Variants in ITSN1 observed in about 807,000 individuals in gnomAD.
The protein encoded by ITSN1 is intersectin-1.
A neutral mutation model predicts 239.8 loss-of-function variants in ITSN1; 58 were observed. The observed-to-expected ratio is 0.24, with a 90% CI of 0.20 to 0.30. The LOEUF (loss-of-function observed/expected upper bound fraction) is 0.30, where lower values mean the gene tolerates loss of function less well. Ranked by LOEUF, ITSN1 falls within the 10% of genes least tolerant of loss-of-function variation. The probability of loss-of-function intolerance (pLI) is 1.00; values close to 1 mark genes in which losing one functional copy is unlikely to be tolerated. For missense variants in ITSN1, 1,558 were observed against 2,103.3 expected, an observed-to-expected ratio of 0.74 and a Z score of 5.07; for synonymous variants, 780 against 770.8, an observed-to-expected ratio of 1.01 and a Z score of -0.20.
At position 33,896,786 on chromosome 21, in the gene ITSN1, A is replaced by G. The variant is rs1370760748; in HGVS notation, c.*8486A>G. 1 of 152,168 alleles carries G rather than the reference A, an allele frequency of 6.6e-6. No individual in the cohort carries two copies. The highest frequency in any genetic ancestry group is 1.9e-4 in the East Asian group (1 of 5,196). The allele number at this position is 152,168 out of a possible 1,614,324, so 9.4% of individuals were successfully genotyped here. A position where few individuals can be genotyped will look rare whatever the true frequency, so the allele number is the denominator to read the frequency against. On this transcript the variant is annotated 3_prime_UTR_variant, in exon 40 of 40. Coordinates refer to ENST00000381318, the MANE Select transcript of ITSN1 (RefSeq NM_003024.3). ...GACGCTCCAAAATGTTTGCAGTTCC[A>G]TTTGCTTTTTGCAAGTAGGTCCCCA...
intron 16 of ITSN1, among the ~76,000 whole-genome samples, chr21:33,784,551 A>C (rs756042156): frequency 1.3e-5 from 2 of 152,200 alleles, no homozygotes; most frequent in Non-Finnish European, 2.9e-5. Flanking sequence ...CAGTATAACT[A>C]TATTGTTTTG....
intron 22 of ITSN1, chr21:33,817,109 C>A (rs1476668530): frequency 8.8e-7 from 1 of 1,142,792 alleles, no homozygotes; most frequent in Non-Finnish European, 1.1e-6. Context: ...ATCTTTTGTT[C>A]TTGTCCATTC....
chr21:33,752,000 T>C, intron 7 of ITSN1, 94 bp downstream of exon 7: 1 of 846,704 alleles, frequency 1.2e-6, no homozygotes, highest in East Asian at 2.6e-5. Context: ...TTCTTTTTGT[T>C]GTTGTCATCT....
intron 24 of ITSN1, among the ~76,000 whole-genome samples, chr21:33,823,036 C>T (rs2073780191): frequency 6.6e-6 from 1 of 152,124 alleles, no homozygotes; most frequent in African/African-American, 2.4e-5. Flanking sequence ...GACGTAGTAC[C>T]CTCAAAACTG....
At chr21:33,855,353 A>C (rs1979123325) in intron 29 of ITSN1, among the ~76,000 whole-genome samples, 1 of 152,164 alleles carries the variant, frequency 6.6e-6, no homozygotes, top group African/African-American at 2.4e-5. Flanking sequence ...CGCTTTGACA[A>C]CCACTGGTCC....
chr21:33,797,080 G>A lies in ITSN1; in HGVS notation c.1953-299G>A, dbSNP rs1232511541. ...TTTTTATAGAAGTTATGTTCTCTGT[G>A]TTTTATGGCTTTGTTTGTTTGTTTT... On this transcript the variant is annotated intron_variant, in intron 17 of 39. Transcript: ENST00000381318. The surrounding 1 kb of genome is among the most constrained non-coding windows in gnomAD (Gnocchi z 4.9). 1.3e-5 allele frequency among the ~76,000 whole-genome samples: 2 copies of A among 152,094 alleles called. No individual in the cohort carries two copies. The highest frequency in any genetic ancestry group is 2.9e-5 in the Non-Finnish European group (2 of 68,006).
intron 1 of ITSN1, among the ~76,000 whole-genome samples, chr21:33,683,119 G>A (rs762699708): frequency 4.6e-5 from 7 of 151,924 alleles, no homozygotes; most frequent in Non-Finnish European, 1.0e-4. Context: ...TAGACAGTTG[G>A]CCTGAGGAAA....
At chr21:33,686,941 G>A (rs576050041) in intron 1 of ITSN1, among the ~76,000 whole-genome samples, 2 of 152,278 alleles carry the variant, frequency 1.3e-5, no homozygotes, top group Admixed American at 1.3e-4. Context: ...AGTGGCCAAT[G>A]TGGTGGATAT....
chr21:33,850,608 C>T (rs182001934), intron 29 of ITSN1, among the ~76,000 whole-genome samples: 1 of 152,258 alleles, frequency 6.6e-6, no homozygotes, highest in Non-Finnish European at 1.5e-5. Flanking sequence ...CTCCTTCTCA[C>T]TGAACCCCGG....
Position 33,894,872 on chromosome 21 carries a change from C to G in ITSN1, c.*6572C>G, listed in dbSNP as rs775294191. 6.6e-6 allele frequency: 1 copy of G among 152,232 alleles called. No individual in the cohort carries two copies. Among genetic ancestry groups the G allele is most frequent in the Non-Finnish European group, 1.5e-5 (1 of 68,060 alleles). 9.4% of individuals were successfully genotyped at this position (152,232 alleles called of 1,614,324 possible). A position where few individuals can be genotyped will look rare whatever the true frequency, so the allele number is the denominator to read the frequency against. On this transcript the variant is annotated 3_prime_UTR_variant, in exon 40 of 40. Transcript: ENST00000381318. ...CCGCTGCCATTCTGTGCACTGTCACCGGCGGGGGTGGAGGGTCTCCCTGTA... is the reference window on the plus strand; with the variant it reads ...CCGCTGCCATTCTGTGCACTGTCACGGGCGGGGGTGGAGGGTCTCCCTGTA...
At chr21:33,792,258 G>A (rs925868994) in intron 16 of ITSN1, among the ~76,000 whole-genome samples, 9 of 152,056 alleles carry the variant, frequency 5.9e-5, no homozygotes, top group Admixed American at 5.2e-4. Context: ...AGGCTAGAGT[G>A]CAGTGGCGCG....
chr21:33,755,447 A>T (rs753055765), intron 8 of ITSN1, 50 bp downstream of exon 8: 1 of 1,022,316 alleles, frequency 9.8e-7, no homozygotes, highest in Non-Finnish European at 1.5e-6. Flanking sequence ...TTCAATGTAA[A>T]CTGTTTCTAG....
At chr21:33,851,231 CT>C (rs2148461389) in intron 29 of ITSN1, among the ~76,000 whole-genome samples, 1 of 152,178 alleles carries the variant, frequency 6.6e-6, no homozygotes, top group African/African-American at 2.4e-5. Flanking sequence ...CTTGCTCTTG[CT>C]GGTGCCCATA....
intron 5 of ITSN1, among the ~76,000 whole-genome samples, chr21:33,737,948 C>T (rs1180275499): frequency 2.6e-5 from 4 of 152,054 alleles, no homozygotes; most frequent in African/African-American, 4.8e-5. Flanking sequence ...TTTGGGAGGC[C>T]GAGGTGGGCA....
chr21:33,761,809 A>G, intron 8 of ITSN1, 114 bp from the exon 9 acceptor site: 1 of 723,172 alleles, frequency 1.4e-6, no homozygotes, highest in Non-Finnish European at 2.5e-6. Context: ...TGTTATTTAA[A>G]GCATTGTGAT....
In ITSN1 at chr21:33,701,781, C is replaced by T. The variant is rs1005319577; in HGVS notation, c.-32-17016C>T. 6.0e-5 allele frequency among the ~76,000 whole-genome samples: 9 copies of T among 150,796 alleles called. No homozygotes were observed. In the South Asian group the frequency reaches 1.3e-3, roughly 21 times the overall value. On this transcript the variant is annotated intron_variant, in intron 1 of 39. Transcript: ENST00000381318. ...CTGCACTCCAGCCTGAGTAACAGAG[C>T]GAGACTCCATCTCAAAAAAAAAAAG... is the stretch of plus-strand genomic sequence containing the variant.
intron 33 of ITSN1, among the ~76,000 whole-genome samples, chr21:33,874,558 A>G (rs1983358906): frequency 6.6e-6 from 1 of 152,176 alleles, no homozygotes; most frequent in African/African-American, 2.4e-5. Context: ...GTGGGAAAAT[A>G]GCACGGAACT....
intron 21 of ITSN1, among the ~76,000 whole-genome samples, chr21:33,813,233 T>C (rs2073033992): frequency 6.6e-6 from 1 of 152,078 alleles, no homozygotes; most frequent in Admixed American, 6.6e-5. Flanking sequence ...CAGGCTGGAG[T>C]GCAGTGGCGT....
intron 37 of ITSN1, 120 bp from the exon 38 acceptor site, chr21:33,885,319 G>A: frequency 2.8e-6 from 3 of 1,083,978 alleles, no homozygotes; most frequent in Non-Finnish European, 4.2e-6. Context: ...AGTGTTTAAG[G>A]AGAGGGAAGA....
Sources: allele counts gnomAD v4.1 joint callset (sites outside exome capture counted in the v4.1 genomes callset), GRCh38; gene constraint gnomAD v4.1.1; non-coding constraint Gnocchi (gnomAD v3.1); transcripts MANE v1.5; gene names NCBI Gene and HGNC (gene_info 2026-07-23, HGNC 2026-07-21).